NARF: variants seen among roughly 807,000 people sequenced by gnomAD.
The protein encoded by NARF is iron-only hydrogenase-like protein 2.
NARF carries 41 observed loss-of-function variants against 48.0 expected under a neutral mutation model. The ratio of observed to expected loss-of-function variants is 0.85; its 90% CI spans 0.66 to 1.11. NARF has a LOEUF of 1.11. NARF is among the 50% of genes least tolerant of loss of function. The pLI is 0.00. For missense variants in NARF, 613 were observed against 590.2 expected (o/e 1.04, Z -0.40); for synonymous variants, 215 against 225.5 (o/e 0.95, Z 0.42).
chr17:82,469,445 G>A (rs533687386), intron 4 of NARF, among the ~76,000 whole-genome samples: 24 of 152,312 alleles, frequency 1.6e-4, no homozygotes, highest in African/African-American at 4.3e-4. Flanking sequence ...ATGCTTCTGC[G>A]TCTTCTGCTT....
At chr17:82,480,894 T>C in intron 6 of NARF, 188 bp from the exon 7 acceptor site, 6 of 715,856 alleles carry the variant, frequency 8.4e-6, no homozygotes, top group Middle Eastern at 4.1e-4. Context: ...ATCACGCCAC[T>C]GCACTCCAAC....
chr17:82,472,613 G>T lies in NARF; in HGVS notation c.435G>T (p.Leu145=). ...DTTIAADFSI[L]ESQKEFVRRY... ...CGATAGCTGCGGATTTTAGTATCCT[G>T]GAGAGTCAAAAAGAATTCGTGCGTC... Residue 145 remains leucine, a synonymous_variant, in exon 5 of 11, where the codon CTG becomes CTT. Transcript: ENST00000309794. The T allele has an allele frequency of 6.2e-7, 1 of 1,613,738 alleles. No homozygotes were observed. The highest frequency in any genetic ancestry group is 8.5e-7 in the Non-Finnish European group (1 of 1,179,876).
intron 5 of NARF, among the ~76,000 whole-genome samples, chr17:82,473,461 G>C (rs1020035763): frequency 1.3e-5 from 2 of 151,810 alleles, no homozygotes; most frequent in Non-Finnish European, 2.9e-5. Flanking sequence ...AGTGCATCCT[G>C]CCTCACCCTC....
chr17:82,481,116 T>C lies in NARF; in HGVS notation c.674T>C (p.Val225Ala). Reference sequence around the variant, plus strand: ...CCAGAGAAGATTTTCCACGTCATTGTGGCCCCTTGTTATGACAAGAAGCTG... The same window carrying C: ...CCAGAGAAGATTTTCCACGTCATTGCGGCCCCTTGTTATGACAAGAAGCTG... ...LSPEKIFHVI[V>A]APCYDKKLEA... Residue 225 changes from valine to alanine, a missense_variant, in exon 7 of 11, where the codon GTG (valine) becomes GCG (alanine). Transcript: ENST00000309794. 6.2e-7 allele frequency: 1 copy of C among 1,614,118 alleles called. No homozygotes were observed.
rs1447823029 is a variant in NARF at position 82,489,447 on chromosome 17, C to T, written c.*1290C>T. Reference sequence around the variant, plus strand: ...GGAAAATTGAGAAGGCTGCCCGCACCAGCTGGGTGGGTGCAGGGGGCCCCA... The same window carrying T: ...GGAAAATTGAGAAGGCTGCCCGCACTAGCTGGGTGGGTGCAGGGGGCCCCA... On this transcript the variant is annotated 3_prime_UTR_variant, in exon 11 of 11. Coordinates refer to ENST00000309794, the MANE Select transcript of NARF (RefSeq NM_012336.4). 1 of 152,550 alleles carries T rather than the reference C, an allele frequency of 6.6e-6. No homozygotes were observed. The highest frequency in any genetic ancestry group is 6.5e-5 in the Admixed American group (1 of 15,280). The allele number at this position is 152,550 out of a possible 1,614,324, so 9.4% of individuals were successfully genotyped here.
chr17:82,467,585 A>G (rs1006452135), intron 3 of NARF, among the ~76,000 whole-genome samples: 4 of 151,134 alleles, frequency 2.6e-5, no homozygotes, highest in East Asian at 1.9e-4. Context: ...TTTCACTTCA[A>G]CCTCCACCTC....
At chr17:82,479,947 G>A (rs111397779) in intron 6 of NARF, 2,287 of 153,290 alleles carry the variant, frequency 0.015, 68 homozygotes, top group African/African-American at 0.053. Context: ...GGTCTTCCAC[G>A]TGCTGCCCTC....
intron 4 of NARF, among the ~76,000 whole-genome samples, chr17:82,471,581 A>G (rs2043707485): frequency 6.7e-6 from 1 of 149,708 alleles, no homozygotes; most frequent in South Asian, 2.1e-4. Context: ...TCACGAGGTC[A>G]GGAGATCGAG....
chr17:82,465,343 CT>C (rs2043539833), intron 3 of NARF, among the ~76,000 whole-genome samples: 1 of 152,162 alleles, frequency 6.6e-6, no homozygotes, highest in African/African-American at 2.4e-5. Flanking sequence ...GCAGATGAGG[CT>C]GAAAAGCACT....
chr17:82,464,248 A>G (rs1211302228), intron 2 of NARF, 39 bp from the exon 3 acceptor site: 3 of 1,603,142 alleles, frequency 1.9e-6, no homozygotes, highest in South Asian at 2.2e-5. Flanking sequence ...ATTAAAGAGT[A>G]TTTGTTGAAT....
Position 82,481,224 on chromosome 17 carries a change from CG to C in NARF, c.769+18del. 1.2e-6 allele frequency: 2 copies of C among 1,613,154 alleles called. No homozygotes were observed. Among genetic ancestry groups the C allele is most frequent in the Middle Eastern group, 1.7e-4 (1 of 6,050 alleles). On this transcript the variant is annotated intron_variant, in intron 7 of 10. Transcript: ENST00000309794. ...GTGTTAACATCAGGTGAGAGGTGGG[CG>C]GGGGTGCACCTGGGCGCTGGGGTAA...
chr17:82,474,278 TAAAA>T (rs1425913573), intron 5 of NARF, among the ~76,000 whole-genome samples: 1 of 152,046 alleles, frequency 6.6e-6, no homozygotes, highest in Non-Finnish European at 1.5e-5. Flanking sequence ...TTTGCCAGCT[TAAAA>T]AAAATACAGA....
Position 82,464,299 on chromosome 17 carries a change from C to G in NARF, c.121C>G (p.His41Asp), listed in dbSNP as rs1028831183. 19 of 1,613,072 alleles carry G rather than the reference C, an allele frequency of 1.2e-5. No individual in the cohort carries two copies. The highest frequency in any genetic ancestry group is 1.5e-5 in the Non-Finnish European group (18 of 1,179,640). The change falls in exon 3 of 11, where the codon CAC becomes GAC. Residue 41 changes from histidine to aspartate, a missense_variant. Transcript: ENST00000309794. ...TCATCTTTCATAGAAGGGAGAATTC[C>G]ACAAGTTGGCTGATGCCAAGATATT... is the stretch of plus-strand genomic sequence containing the variant. Reference protein sequence around the residue: ...AQENGEKGEFHKLADAKIFLS... With the variant: ...AQENGEKGEFDKLADAKIFLS...
chr17:82,466,809 C>A (rs985318653), intron 3 of NARF, among the ~76,000 whole-genome samples: 2 of 151,906 alleles, frequency 1.3e-5, no homozygotes, highest in East Asian at 1.9e-4. Context: ...TCTGTTCTTC[C>A]CCTGTTGACC....
intron 6 of NARF, chr17:82,480,767 A>C (rs2043944242): frequency 3.9e-6 from 2 of 506,484 alleles, no homozygotes; most frequent in Admixed American, 7.0e-5. Flanking sequence ...CCCCATCTCT[A>C]CTAAAGTACA....
At chr17:82,472,894 G>A (rs1236366193) in intron 5 of NARF, among the ~76,000 whole-genome samples, 196 bp downstream of exon 5, 4 of 152,104 alleles carry the variant, frequency 2.6e-5, no homozygotes, top group African/African-American at 7.2e-5. Flanking sequence ...CATCAGAGGT[G>A]CCACACTGGA....
intron 4 of NARF, among the ~76,000 whole-genome samples, chr17:82,471,475 A>C (rs1245396746): frequency 6.8e-6 from 1 of 147,082 alleles, no homozygotes; most frequent in Non-Finnish European, 1.5e-5. Context: ...AAAAAAATTC[A>C]GTATAAAAAT....
In NARF at chr17:82,488,291, T is replaced by A; in HGVS notation, c.*134T>A. ...AATGGATTACTTTGGTTTCTCCGAGTTCCCTGCTACCCCGTTTATTGGAGG... is the reference window on the plus strand; with the variant it reads ...AATGGATTACTTTGGTTTCTCCGAGATCCCTGCTACCCCGTTTATTGGAGG... On this transcript the variant is annotated 3_prime_UTR_variant, in exon 11 of 11. Transcript: ENST00000309794. 1.5e-6 allele frequency: 2 copies of A among 1,368,400 alleles called. No homozygotes were observed. Among genetic ancestry groups the A allele is most frequent in the Non-Finnish European group, 9.7e-7 (1 of 1,033,334 alleles). 84.8% of individuals were successfully genotyped at this position (1,368,400 alleles called of 1,614,324 possible). A position where few individuals can be genotyped will look rare whatever the true frequency, so the allele number is the denominator to read the frequency against.
At chr17:82,467,325 G>A (rs991147766) in intron 3 of NARF, among the ~76,000 whole-genome samples, 2 of 152,128 alleles carry the variant, frequency 1.3e-5, no homozygotes, top group Non-Finnish European at 1.5e-5. Context: ...GGGATTATAG[G>A]CATGAGCCAC....
Sources: gnomAD v4.1 joint callset for allele counts (sites outside exome capture counted in the v4.1 genomes callset) on GRCh38, gnomAD v4.1.1 for gene constraint, MANE v1.5 for transcripts, NCBI Gene and HGNC (gene_info 2026-07-23, HGNC 2026-07-21) for gene names.